CCSER1: variants seen among roughly 807,000 people sequenced by gnomAD.
The protein encoded by CCSER1 is serine-rich coiled-coil domain-containing protein 1.
CCSER1 carries 41 observed loss-of-function variants against 82.0 expected under a neutral mutation model. The ratio of observed to expected loss-of-function variants is 0.50; its 90% CI spans 0.39 to 0.65. The LOEUF is 0.65. Ranked by LOEUF, CCSER1 falls within the 30% of genes least tolerant of loss-of-function variation. CCSER1 has a pLI of 0.00. For missense variants in CCSER1, 1,119 were observed against 1,064.2 expected (o/e 1.05, Z -0.72); for synonymous variants, 414 against 383.9 (o/e 1.08, Z -0.92).
intron 6 of CCSER1, among the ~76,000 whole-genome samples, chr4:90,668,138 C>G (rs1280537072): frequency 6.6e-6 from 1 of 152,126 alleles, no homozygotes; most frequent in Non-Finnish European, 1.5e-5. Context: ...TTAATAAAAA[C>G]AGCCATAATC....
intron 3 of CCSER1, among the ~76,000 whole-genome samples, chr4:90,381,853 ATTAT>A (rs1176732417): frequency 6.6e-6 from 1 of 152,058 alleles, no homozygotes; most frequent in Non-Finnish European, 1.5e-5. Flanking sequence ...AATACTCATC[ATTAT>A]TTATATACCT....
chr4:90,480,203 C>G (rs982142707), intron 5 of CCSER1, among the ~76,000 whole-genome samples: 1 of 152,038 alleles, frequency 6.6e-6, no homozygotes, highest in Non-Finnish European at 1.5e-5. Context: ...TCATATCCTT[C>G]GACCACTTTT....
intron 10 of CCSER1, among the ~76,000 whole-genome samples, chr4:91,100,904 G>A (rs923951518): frequency 1.3e-5 from 2 of 152,012 alleles, no homozygotes; most frequent in African/African-American, 4.8e-5. Context: ...CTCAAATGGG[G>A]AAAAAAATAA....
At chr4:91,280,526 G>A (rs376206600) in intron 10 of CCSER1, among the ~76,000 whole-genome samples, 1 of 152,150 alleles carries the variant, frequency 6.6e-6, no homozygotes, top group African/African-American at 2.4e-5. Context: ...TGCTGAGAGA[G>A]GTGGATAGGA....
intron 10 of CCSER1, among the ~76,000 whole-genome samples, chr4:91,431,641 A>G (rs1754326878): frequency 1.3e-5 from 2 of 151,806 alleles, no homozygotes; most frequent in African/African-American, 2.4e-5. Flanking sequence ...CTAATTTTGT[A>G]TTTTTAGTAG....
chr4:90,932,962 GAAAGAA>G (rs1270099803), intron 9 of CCSER1, among the ~76,000 whole-genome samples: 7 of 34,834 alleles, frequency 2.0e-4, no homozygotes, highest in Admixed American at 9.1e-4. Flanking sequence ...AAGAAAGAAA[GAAAGAA>G]AGAAAGAAAG....
At chr4:91,000,750 T>C (rs1051534121) in intron 9 of CCSER1, among the ~76,000 whole-genome samples, 2 of 152,190 alleles carry the variant, frequency 1.3e-5, no homozygotes, top group Admixed American at 6.5e-5. Context: ...TTTATAGAAA[T>C]GCTACTGATT....
At chr4:91,370,520 C>A (rs940305498) in intron 10 of CCSER1, among the ~76,000 whole-genome samples, 5 of 152,000 alleles carry the variant, frequency 3.3e-5, no homozygotes, top group Non-Finnish European at 5.9e-5. Context: ...TATGGTGAAA[C>A]CCTGTCTCTA....
At chr4:91,448,614 A>G (rs1755701515) in intron 10 of CCSER1, among the ~76,000 whole-genome samples, 1 of 151,986 alleles carries the variant, frequency 6.6e-6, no homozygotes, top group Non-Finnish European at 1.5e-5. Context: ...GGGTCCTTGG[A>G]ATAATTTGGC....
chr4:90,445,128 C>A (rs1760465411), intron 4 of CCSER1, among the ~76,000 whole-genome samples: 1 of 151,922 alleles, frequency 6.6e-6, no homozygotes, highest in Admixed American at 6.6e-5. Flanking sequence ...AAGGAGCAAG[C>A]CTGGAGAAGG....
At chr4:90,834,145 A>G (rs1242354219) in intron 8 of CCSER1, among the ~76,000 whole-genome samples, 2 of 152,196 alleles carry the variant, frequency 1.3e-5, no homozygotes, top group Non-Finnish European at 2.9e-5. Context: ...GTGTATTTTT[A>G]CAGTTTAAAG....
chr4:91,245,821 T>C (rs10002839), intron 10 of CCSER1, among the ~76,000 whole-genome samples: 75,918 of 151,948 alleles, frequency 0.5, 19,581 homozygotes, highest in African/African-American at 0.63. Context: ...CTCAGCCTCC[T>C]GAGTAGCTGG....
At chr4:91,464,488 A>C (rs536511743) in intron 10 of CCSER1, among the ~76,000 whole-genome samples, 1 of 152,236 alleles carries the variant, frequency 6.6e-6, no homozygotes, top group Non-Finnish European at 1.5e-5. Flanking sequence ...GACAGGATCA[A>C]ATTCACACAT....
At chr4:91,553,964 G>T (rs2110232584) in intron 10 of CCSER1, among the ~76,000 whole-genome samples, 1 of 150,066 alleles carries the variant, frequency 6.7e-6, no homozygotes, top group Non-Finnish European at 1.5e-5. Context: ...TTTACTTAAT[G>T]TGTATAGCTT....
At chr4:90,639,620 G>C (rs995743760) in intron 6 of CCSER1, among the ~76,000 whole-genome samples, 1 of 152,044 alleles carries the variant, frequency 6.6e-6, no homozygotes, top group Non-Finnish European at 1.5e-5. Context: ...AACTGGAATA[G>C]AGTGGTGACA....
intron 5 of CCSER1, among the ~76,000 whole-genome samples, chr4:90,498,573 C>G (rs1008835880): frequency 1.3e-5 from 2 of 152,146 alleles, no homozygotes; most frequent in Non-Finnish European, 2.9e-5. Context: ...AAAGTCTTAA[C>G]TGCCTCATTG....
intron 9 of CCSER1, among the ~76,000 whole-genome samples, chr4:91,002,794 G>A (rs886707659): frequency 2.0e-5 from 3 of 152,162 alleles, no homozygotes; most frequent in Admixed American, 1.3e-4. Context: ...TGGTGAGCTA[G>A]TATGGTATTT....
chr4:91,159,806 A>C (rs1416037559), intron 10 of CCSER1, among the ~76,000 whole-genome samples: 1 of 151,922 alleles, frequency 6.6e-6, no homozygotes, highest in Non-Finnish European at 1.5e-5. Flanking sequence ...TATAACTCAA[A>C]ATTTTTGAGG....
At chr4:91,505,011 T>C (rs1471702050) in intron 10 of CCSER1, among the ~76,000 whole-genome samples, 2 of 152,212 alleles carry the variant, frequency 1.3e-5, no homozygotes, top group Non-Finnish European at 2.9e-5. Flanking sequence ...ACATGTGCCA[T>C]GGTGATTTGC....
Sources: allele counts gnomAD v4.1 joint callset (sites outside exome capture counted in the v4.1 genomes callset), GRCh38; gene constraint gnomAD v4.1.1; transcripts MANE v1.5; gene names NCBI Gene and HGNC (gene_info 2026-07-23, HGNC 2026-07-21).